COX16: variants seen among roughly 807,000 people sequenced by gnomAD.
COX16 encodes cytochrome c oxidase assembly protein COX16 homolog, mitochondrial.
Under a neutral mutation model 15.4 loss-of-function variants are expected in COX16, and 12 were observed. That is an observed-to-expected ratio of 0.78 (90% CI 0.50 to 1.26). COX16 has a LOEUF of 1.26. COX16 is among the 50% of genes most tolerant of loss of function. The pLI is 0.00. For synonymous variants in COX16, 46 were observed against 41.1 expected (o/e 1.12, Z -0.46); for missense variants, 124 against 127.6 (o/e 0.97, Z 0.14).
chr14:70,341,476 A>C (rs1886621874), intron 2 of COX16, among the ~76,000 whole-genome samples: 2 of 152,220 alleles, frequency 1.3e-5, no homozygotes, highest in African/African-American at 2.4e-5. Flanking sequence ...TATGTGCCAT[A>C]AACAAAAGCT....
intron 2 of COX16, among the ~76,000 whole-genome samples, chr14:70,339,222 T>C (rs1256344223): frequency 6.6e-6 from 1 of 152,214 alleles, no homozygotes; most frequent in Non-Finnish European, 1.5e-5. Context: ...CCCATTATTG[T>C]GGATCCTTGG....
intron 2 of COX16, among the ~76,000 whole-genome samples, chr14:70,329,578 A>G (rs893193400): frequency 6.6e-6 from 1 of 152,062 alleles, no homozygotes; most frequent in Non-Finnish European, 1.5e-5. Flanking sequence ...GCTTGGCTTT[A>G]AGTATTAGTT....
At chr14:70,338,523 G>A (rs951371391) in intron 2 of COX16, among the ~76,000 whole-genome samples, 2 of 152,180 alleles carry the variant, frequency 1.3e-5, no homozygotes, top group Non-Finnish European at 2.9e-5. Flanking sequence ...TAGAAAGCAC[G>A]ATCCTTGGTA....
chr14:70,342,720 C>T lies in COX16; in HGVS notation c.79G>A (p.Val27Ile). The T allele has an allele frequency of 6.2e-7, 1 of 1,612,706 alleles. No homozygotes were observed. Among genetic ancestry groups the T allele is most frequent in the Non-Finnish European group, 8.5e-7 (1 of 1,179,624 alleles). Residue 27 changes from valine (V) to isoleucine (I), a missense_variant, in exon 2 of 4, where the codon GTT (valine) becomes ATT (isoleucine). Val to Ile is a conservative substitution (Grantham distance 29). Transcript: ENST00000389912. ...TCACGAAGACCAAAAGAACCTCCAA[C>T]AATCAGCAACTAAAACAAAGAAAGG... is the stretch of plus-strand genomic sequence containing the variant. ...GYGVPMLLLIVGGSFGLREFS... is the reference protein window; with the variant it reads ...GYGVPMLLLIIGGSFGLREFS...
intron 1 of COX16, 183 bp downstream of exon 1, chr14:70,359,336 G>A (rs1299533848): frequency 1.5e-5 from 10 of 670,882 alleles, no homozygotes; most frequent in Non-Finnish European, 2.7e-5. Context: ...CAGCGGCGGG[G>A]AAGTGGGGGT....
rs1275243024 is a variant in COX16 at position 70,359,527 on chromosome 14, G to C, written c.61C>G (p.Pro21Ala). 1 of 1,613,942 alleles carries C rather than the reference G, an allele frequency of 6.2e-7. No homozygotes were observed. Among genetic ancestry groups the C allele is most frequent in the Admixed American group, 1.7e-5 (1 of 60,014 alleles). ...CTCCTCACTCCACTCACCAACATGG[G>C]GACTCCATAGCCGAGAGTCTTGTTC... ...RKNKTLGYGV[P>A]MLLLIVGGSF... The change falls in exon 1 of 4, where the codon CCC becomes GCC. Residue 21 changes from proline to alanine, a missense_variant. Coordinates refer to ENST00000389912, the MANE Select transcript of COX16 (RefSeq NM_016468.7).
intron 2 of COX16, among the ~76,000 whole-genome samples, chr14:70,335,933 A>G (rs1041883393): frequency 6.6e-6 from 1 of 152,194 alleles, no homozygotes; most frequent in Non-Finnish European, 1.5e-5. Context: ...GTATTCTAAA[A>G]TGGTAAAACC....
chr14:70,326,601 T>C, intron 3 of COX16, 152 bp from the exon 4 acceptor site: 1 of 499,922 alleles, frequency 2.0e-6, no homozygotes, highest in Non-Finnish European at 3.2e-6. Context: ...CAATCATTGA[T>C]GAAATGTCAT....
chr14:70,333,486 A>G (rs1271654636), intron 2 of COX16, among the ~76,000 whole-genome samples: 2 of 152,214 alleles, frequency 1.3e-5, no homozygotes, highest in Admixed American at 1.3e-4. Context: ...CAGCAAACAG[A>G]TGAAAGATCA....
At chr14:70,342,809 A>G in intron 1 of COX16, 80 bp from the exon 2 acceptor site, 1 of 1,485,688 alleles carries the variant, frequency 6.7e-7, no homozygotes, top group Non-Finnish European at 9.2e-7. Flanking sequence ...TGCTTTTCTA[A>G]ACAACAATAG....
intron 1 of COX16, 57 bp from the exon 2 acceptor site, chr14:70,342,786 C>G: frequency 6.3e-7 from 1 of 1,583,702 alleles, no homozygotes. Flanking sequence ...TCAAATTCAG[C>G]CTATCTATAG....
intron 1 of COX16, among the ~76,000 whole-genome samples, chr14:70,344,390 T>C (rs1886713254): frequency 6.6e-6 from 1 of 152,274 alleles, no homozygotes; most frequent in Non-Finnish European, 1.5e-5. Flanking sequence ...GTTCGGCCTA[T>C]GCCCAGGAAT....
intron 2 of COX16, among the ~76,000 whole-genome samples, chr14:70,336,994 G>A (rs1352986225): frequency 1.3e-5 from 2 of 152,118 alleles, no homozygotes. Flanking sequence ...GCTTAGAGTT[G>A]AAAGCCCATT....
chr14:70,326,126 T>A lies in COX16; in HGVS notation c.*207A>T. The A allele has an allele frequency of 6.2e-6, 2 of 320,944 alleles. No individual in the cohort carries two copies. Among genetic ancestry groups the A allele is most frequent in the Non-Finnish European group, 1.1e-5 (2 of 182,432 alleles). The allele number at this position is 320,944 out of a possible 1,614,324, so 19.9% of individuals were successfully genotyped here. ...GGTGTAAAATATACGTGGCCAACAT[T>A]GTTACTTTCATCCACAGATGGAATA... On this transcript the variant is annotated 3_prime_UTR_variant, in exon 4 of 4. Transcript: ENST00000389912.
chr14:70,327,390 A>C (rs1248751316), intron 3 of COX16, among the ~76,000 whole-genome samples: 1 of 152,152 alleles, frequency 6.6e-6, no homozygotes, highest in Non-Finnish European at 1.5e-5. Flanking sequence ...AGGTCCTAGA[A>C]GAACTAGAAG....
At chr14:70,358,575 G>A (rs1278970942) in intron 1 of COX16, among the ~76,000 whole-genome samples, 1 of 151,692 alleles carries the variant, frequency 6.6e-6, no homozygotes, top group Non-Finnish European at 1.5e-5. Context: ...TTTCAAAACT[G>A]TGTAAAATAT....
chr14:70,327,658 GA>G (rs1486635559), intron 3 of COX16, among the ~76,000 whole-genome samples: 1 of 152,022 alleles, frequency 6.6e-6, no homozygotes, highest in South Asian at 2.1e-4. Context: ...GTTATTAAAA[GA>G]TTTTAATAAA....
intron 1 of COX16, among the ~76,000 whole-genome samples, chr14:70,355,599 T>C (rs1887100928): frequency 6.6e-6 from 1 of 152,230 alleles, no homozygotes; most frequent in African/African-American, 2.4e-5. Context: ...AATATTATAG[T>C]AGGCTACTGC....
intron 1 of COX16, among the ~76,000 whole-genome samples, chr14:70,344,811 T>A (rs1886726664): frequency 6.6e-6 from 1 of 152,110 alleles, no homozygotes; most frequent in Non-Finnish European, 1.5e-5. Flanking sequence ...CCCCTGAAGA[T>A]TGAGAAAGAG....
Sources: gnomAD v4.1 joint callset for allele counts (sites outside exome capture counted in the v4.1 genomes callset) on GRCh38, gnomAD v4.1.1 for gene constraint, MANE v1.5 for transcripts, NCBI Gene and HGNC (gene_info 2026-07-23, HGNC 2026-07-21) for gene names.